Variants in MAPKBP1 observed in about 807,000 individuals in gnomAD.
The protein encoded by MAPKBP1 is mitogen-activated protein kinase-binding protein 1.
In MAPKBP1, 71 loss-of-function variants were observed where a neutral mutation model predicts 170.5. The ratio of observed to expected loss-of-function variants is 0.42; its 90% CI spans 0.34 to 0.51. MAPKBP1 has a LOEUF of 0.51. Among genes scored for constraint, MAPKBP1 ranks in the 20% least tolerant of loss-of-function variants. The pLI is 0.06. For synonymous variants in MAPKBP1, 719 were observed against 757.9 expected (o/e 0.95, Z 0.84); for missense variants, 1,598 against 1,933.0 (o/e 0.83, Z 3.25).
chr15:41,822,775 G>A, intron 27 of MAPKBP1, 98 bp downstream of exon 27: 2 of 1,504,344 alleles, frequency 1.3e-6, no homozygotes, highest in Admixed American at 1.7e-5. Flanking sequence ...TCCATGCGCG[G>A]GGTGTTTTGC....
chr15:41,825,359 C>T lies in MAPKBP1; in HGVS notation c.4450C>T (p.Gln1484Ter). The change falls in exon 31 of 31, where the codon CAG becomes TAG. Residue 1484 changes from glutamine (Q) to a stop codon, truncating the protein, a stop_gained. Coordinates refer to ENST00000457542, the MANE Select transcript of MAPKBP1 (RefSeq NM_014994.3). LOFTEE classifies it high-confidence loss of function. The part of the protein sequence containing the change: ...GSSPGAVGAE[Q>*]TQALLEQYSE... The stretch of plus-strand genomic sequence containing the variant: ...CAGCCCTGGGGCTGTGGGAGCCGAG[C>T]AGACACAGGCCCTGCTGGAGCAATA... 6.2e-7 allele frequency: 1 copy of T among 1,613,502 alleles called. No homozygotes were observed. The highest frequency in any genetic ancestry group is 8.5e-7 in the Non-Finnish European group (1 of 1,179,998).
At chr15:41,812,797 G>A (rs1596087617) in intron 7 of MAPKBP1, 122 bp from the exon 8 acceptor site, 1 of 1,447,312 alleles carries the variant, frequency 6.9e-7, no homozygotes, top group East Asian at 2.3e-5. Flanking sequence ...TGCTGTCTGG[G>A]CTGAGGAGTA....
chr15:41,827,132 AAAAAT>A lies in MAPKBP1; in HGVS notation c.*1701_*1705del, dbSNP rs1233734713. 2 of 142,330 alleles carry A rather than the reference AAAAAT, an allele frequency of 1.4e-5. No homozygotes were observed. The highest frequency in any genetic ancestry group is 3.1e-5 in the Non-Finnish European group (2 of 64,602). The allele number at this position is 142,330 out of a possible 1,614,324, so 8.8% of individuals were successfully genotyped here. ...CCAACATGGTGAAACCCTGTCTACT[AAAAAT>A]AAAAAAATTAGCTGGGCGTGGTGGT... On this transcript the variant is annotated 3_prime_UTR_variant, in exon 31 of 31. Transcript: ENST00000457542.
intron 2 of MAPKBP1, among the ~76,000 whole-genome samples, chr15:41,782,092 C>CAAAAAAAAAA (rs58449893): frequency 9.0e-6 from 1 of 111,156 alleles, no homozygotes; most frequent in Non-Finnish European, 1.8e-5. Flanking sequence ...ACTAAAAATA[C>CAAAAAAAAAA]AAAAAAAAAA....
At chr15:41,798,314 G>A (rs545090700) in intron 2 of MAPKBP1, among the ~76,000 whole-genome samples, 16 of 148,888 alleles carry the variant, frequency 1.1e-4, no homozygotes, top group South Asian at 4.3e-4. Context: ...ATGGCGTCTC[G>A]CTGTGTCACC....
At chr15:41,812,473 C>G (rs761540192) in intron 6 of MAPKBP1, 43 bp from the exon 7 acceptor site, 11 of 1,612,954 alleles carry the variant, frequency 6.8e-6, no homozygotes, top group Admixed American at 6.7e-5. Flanking sequence ...CTTCTTAGCT[C>G]CAAGAGACAG....
At chr15:41,799,784 CTCTG>C (rs746396902) in intron 2 of MAPKBP1, 35 bp from the exon 3 acceptor site, 9 of 1,556,968 alleles carry the variant, frequency 5.8e-6, no homozygotes, top group Non-Finnish European at 8.0e-6. Flanking sequence ...CCCAAACACA[CTCTG>C]TCTGTAACAT....
In MAPKBP1 at chr15:41,824,124, G is replaced by T. The variant is rs879295524; in HGVS notation, c.4213+63G>T. 9.8e-6 allele frequency: 15 copies of T among 1,526,534 alleles called. No homozygotes were observed. The South Asian group carries it at 1.5e-4, about 15-fold the overall frequency. 94.6% of individuals were successfully genotyped at this position (1,526,534 alleles called of 1,614,324 possible). On this transcript the variant is annotated intron_variant, in intron 29 of 30. Coordinates refer to ENST00000457542, the MANE Select transcript of MAPKBP1 (RefSeq NM_014994.3). ...CCTTACTCTCCCCTCTCTGTTGGCC[G>T]CTGTCTGGCTCCATCCCATTTCTGT...
At position 41,813,800 on chromosome 15, in the gene MAPKBP1, C is replaced by A. The variant is rs368782870; in HGVS notation, c.980+19C>A. The A allele has an allele frequency of 1.0e-5, 16 of 1,564,950 alleles. No individual in the cohort carries two copies. The highest frequency in any genetic ancestry group is 1.4e-5 in the Non-Finnish European group (16 of 1,156,574). On this transcript the variant is annotated intron_variant, in intron 9 of 30. Transcript: ENST00000457542. ...AGGCCAGGTGAGCTATGTGGGCCCC[C>A]CTTCCTCCATTTGTAGCCTTACCCC...
In MAPKBP1 at chr15:41,823,896, A is replaced by C. The variant is rs1391481962; in HGVS notation, c.4048A>C (p.Arg1350=). 6 of 1,614,066 alleles carry C rather than the reference A, an allele frequency of 3.7e-6. No homozygotes were observed. The part of the protein sequence containing the change: ...CLGEGTTPKP[R]TECQAHPGPS... ...GGGGGAGGGCACCACTCCCAAGCCT[A>C]GGACAGAGTGCCAGGCTCATCCTGG... is the stretch of plus-strand genomic sequence containing the variant. The change falls in exon 29 of 31, where the codon AGG becomes CGG. Residue 1350 remains arginine, a synonymous_variant. Transcript: ENST00000457542.
At position 41,825,499 on chromosome 15, in the gene MAPKBP1, C is replaced by G. The variant is rs992815490; in HGVS notation, c.*63C>G. On this transcript the variant is annotated 3_prime_UTR_variant, in exon 31 of 31. Transcript: ENST00000457542. ...CGATTCCAAACTGCAGCCCCTCTGC[C>G]CCTCACCAAAACCTGCGGGGCTGCT... The G allele has an allele frequency of 1.7e-5, 24 of 1,432,892 alleles. No individual in the cohort carries two copies. The highest frequency in any genetic ancestry group is 1.0e-4 in the East Asian group (4 of 39,548). 88.8% of individuals were successfully genotyped at this position (1,432,892 alleles called of 1,614,324 possible).
intron 2 of MAPKBP1, among the ~76,000 whole-genome samples, chr15:41,793,357 T>C (rs1258069220): frequency 6.6e-6 from 1 of 152,032 alleles, no homozygotes; most frequent in Admixed American, 6.5e-5. Flanking sequence ...CGTGGTGGCA[T>C]GTGCCTGTAG....
At chr15:41,789,324 G>A (rs555381828) in intron 2 of MAPKBP1, among the ~76,000 whole-genome samples, 2 of 151,600 alleles carry the variant, frequency 1.3e-5, no homozygotes, top group South Asian at 4.2e-4. Context: ...ACCCCCACCC[G>A]AATTCTGCAT....
intron 23 of MAPKBP1, 100 bp downstream of exon 23, chr15:41,821,168 C>G (rs1376637680): frequency 2.6e-6 from 3 of 1,146,844 alleles, no homozygotes; most frequent in Admixed American, 1.8e-5. Flanking sequence ...TATGCTTGCT[C>G]TGCCCCTGTG....
At chr15:41,819,519 A>C in intron 21 of MAPKBP1, 76 bp from the exon 22 acceptor site, 2 of 1,277,234 alleles carry the variant, frequency 1.6e-6, no homozygotes, top group Non-Finnish European at 2.1e-6. Context: ...GTATGGGCTG[A>C]TGGGGCCAGG....
chr15:41,821,332 T>C, intron 23 of MAPKBP1: 1 of 607,560 alleles, frequency 1.6e-6, no homozygotes, highest in South Asian at 2.0e-5. Flanking sequence ...TATTAAGTGG[T>C]AGCTGGAGGT....
At chr15:41,782,504 A>G (rs1324476954) in intron 2 of MAPKBP1, among the ~76,000 whole-genome samples, 1 of 152,182 alleles carries the variant, frequency 6.6e-6, no homozygotes, top group African/African-American at 2.4e-5. Context: ...CAAGTTTTAC[A>G]GAAGTCTACC....
In MAPKBP1 at chr15:41,827,607, G is replaced by T. The variant is rs1596107059; in HGVS notation, c.*2171G>T. The T allele has an allele frequency of 6.5e-6, 1 of 152,856 alleles. No homozygotes were observed. 9.5% of individuals were successfully genotyped at this position (152,856 alleles called of 1,614,324 possible). A position where few individuals can be genotyped will look rare whatever the true frequency, so the allele number is the denominator to read the frequency against. ...CCTTTTCCTGCCCTCTGCCCCATGTGGGTGGGGGGCCTCGTGGCCCGGCCG... is the reference window on the plus strand; with the variant it reads ...CCTTTTCCTGCCCTCTGCCCCATGTTGGTGGGGGGCCTCGTGGCCCGGCCG... On this transcript the variant is annotated 3_prime_UTR_variant, in exon 31 of 31. Transcript: ENST00000457542.
Position 41,775,236 on chromosome 15 carries a change from G to C in MAPKBP1, c.-40G>C, listed in dbSNP as rs758800211. The C allele has an allele frequency of 6.5e-7, 1 of 1,542,588 alleles. No homozygotes were observed. The highest frequency in any genetic ancestry group is 9.0e-7 in the Non-Finnish European group (1 of 1,115,682). On this transcript the variant is annotated 5_prime_UTR_variant, in exon 2 of 31. Transcript: ENST00000457542. ...AGTGCCGCTGTTGAGACAAGACCCA[G>C]GACTGGGCCGGGGACTGTCCCAAAG...
Sources: gnomAD v4.1 joint callset for allele counts (sites outside exome capture counted in the v4.1 genomes callset) on GRCh38, gnomAD v4.1.1 for gene constraint, MANE v1.5 for transcripts, NCBI Gene and HGNC (gene_info 2026-07-23, HGNC 2026-07-21) for gene names.